Variants in GLYATL2 observed in about 807,000 individuals in gnomAD.
GLYATL2 encodes glycine-N-acyltransferase like 2, also known as glycine N-acyltransferase-like protein 2.
A neutral mutation model predicts 21.4 loss-of-function variants in GLYATL2; 25 were observed. The observed-to-expected ratio is 1.17, with a 90% CI of 0.85 to 1.63. GLYATL2 has a LOEUF of 1.63. Among genes scored for constraint, GLYATL2 ranks in the 40% most tolerant of loss-of-function variants. The pLI, the probability that GLYATL2 is intolerant of heterozygous loss-of-function variation, is 0.00. For synonymous variants in GLYATL2, 114 were observed against 118.2 expected (o/e 0.96, Z 0.23); for missense variants, 361 against 343.3 (o/e 1.05, Z -0.41).
chr11:58,881,354 C>G (rs1854330705), intron 1 of GLYATL2, among the ~76,000 whole-genome samples: 1 of 152,300 alleles, frequency 6.6e-6, no homozygotes, highest in Admixed American at 6.5e-5. Flanking sequence ...GTGATGATAA[C>G]CTTCTCCAAG....
At chr11:58,891,972 T>TGA (rs1854552253) in intron 1 of GLYATL2, among the ~76,000 whole-genome samples, 2 of 152,186 alleles carry the variant, frequency 1.3e-5, no homozygotes, top group Non-Finnish European at 2.9e-5. Flanking sequence ...GTCTTTGTTC[T>TGA]TTATCTAATA....
Position 58,898,482 on chromosome 11 carries a change from CTTT to C in GLYATL2, n.60+5671_60+5673del, listed in dbSNP as rs138211723. ...TGTTTTTAACTCACTATTGTTTCCTCTTTTTTTTTTTTTTATCTGCTCTTATCT... is the reference window on the plus strand; with the variant it reads ...TGTTTTTAACTCACTATTGTTTCCTCTTTTTTTTTTTATCTGCTCTTATCT... On this transcript the variant is annotated intron_variant and non_coding_transcript_variant, in intron 1 of 4. Coordinates refer to the GLYATL2 transcript ENST00000533636. 4.8e-3 allele frequency among the ~76,000 whole-genome samples: 699 copies of C among 146,544 alleles called. 3 individuals carry two copies. Among genetic ancestry groups the C allele is most frequent in the African/African-American group, 0.013 (532 of 39,890 alleles).
intron 1 of GLYATL2, among the ~76,000 whole-genome samples, chr11:58,875,530 A>G (rs1325825088): frequency 6.6e-6 from 1 of 152,082 alleles, no homozygotes; most frequent in Non-Finnish European, 1.5e-5. Context: ...AAAGTATTTT[A>G]TTTCTCCTTC....
chr11:58,840,107 G>GGA (rs34626559), intron 1 of GLYATL2, among the ~76,000 whole-genome samples: 2 of 150,678 alleles, frequency 1.3e-5, no homozygotes, highest in Non-Finnish European at 3.0e-5. Flanking sequence ...ATAATCTTCT[G>GGA]AAAAAAAAAT....
chr11:58,889,868 A>T (rs1565107458), intron 1 of GLYATL2, among the ~76,000 whole-genome samples: 1 of 152,158 alleles, frequency 6.6e-6, no homozygotes, highest in Non-Finnish European at 1.5e-5. Flanking sequence ...ACCAAAGTCT[A>T]GTATTAAAAT....
Position 58,869,005 on chromosome 11 carries a change from G to T in GLYATL2, n.61-30637C>A, listed in dbSNP as rs1388745799. Among the ~76,000 whole-genome samples the T allele has an allele frequency of 2.4e-4, 31 of 129,610 alleles. 2 individuals are homozygous for T. Among genetic ancestry groups the T allele is most frequent in the East Asian group, 2.3e-3 (6 of 2,632 alleles). 85.0% of individuals were successfully genotyped at this position (129,610 alleles called of 152,430 possible). A position where few individuals can be genotyped will look rare whatever the true frequency, so the allele number is the denominator to read the frequency against. On this transcript the variant is annotated intron_variant and non_coding_transcript_variant, in intron 1 of 4. Coordinates refer to the GLYATL2 transcript ENST00000533636. ...CGTCATTTTGTGTGTGTCCAGGCAA[G>T]TGAGTGTCTTTTGTGGGTACCAGAT...
intron 1 of GLYATL2, among the ~76,000 whole-genome samples, chr11:58,899,032 T>A (rs932015462): frequency 6.6e-6 from 1 of 152,148 alleles, no homozygotes; most frequent in South Asian, 2.1e-4. Flanking sequence ...CATTTTAGGA[T>A]GACCAAATTT....
intron 1 of GLYATL2, among the ~76,000 whole-genome samples, chr11:58,867,097 T>C (rs1444937654): frequency 6.7e-6 from 1 of 148,982 alleles, no homozygotes; most frequent in African/African-American, 2.4e-5. Context: ...GCGGTTCCCA[T>C]TCCCTGCCAT....
At chr11:58,864,246 G>A (rs967192189) in intron 1 of GLYATL2, among the ~76,000 whole-genome samples, 1 of 152,160 alleles carries the variant, frequency 6.6e-6, no homozygotes, top group African/African-American at 2.4e-5. Context: ...GGGCTGGTCT[G>A]AAACCTTGAG....
chr11:58,900,799 G>A (rs1025090005), intron 1 of GLYATL2, among the ~76,000 whole-genome samples: 2 of 151,918 alleles, frequency 1.3e-5, no homozygotes, highest in Non-Finnish European at 2.9e-5. Context: ...GGAAGCTTGG[G>A]GGGGTGGTCA....
intron 1 of GLYATL2, among the ~76,000 whole-genome samples, chr11:58,857,780 C>A (rs976546325): frequency 6.6e-6 from 1 of 151,736 alleles, no homozygotes; most frequent in Non-Finnish European, 1.5e-5. Flanking sequence ...ACTCCCCTTT[C>A]CAAATCTAGA....
chr11:58,889,747 C>G (rs977014733), intron 1 of GLYATL2, among the ~76,000 whole-genome samples: 1 of 152,036 alleles, frequency 6.6e-6, no homozygotes, highest in Non-Finnish European at 1.5e-5. Context: ...TGATATACTA[C>G]CGAATATTTT....
chr11:58,889,949 T>C (rs1342647797), intron 1 of GLYATL2, among the ~76,000 whole-genome samples: 1 of 152,206 alleles, frequency 6.6e-6, no homozygotes, highest in Non-Finnish European at 1.5e-5. Context: ...TTTTATTTTT[T>C]AATTTCAACT....
At chr11:58,873,182 G>T (rs547445729) in intron 1 of GLYATL2, among the ~76,000 whole-genome samples, 1 of 150,770 alleles carries the variant, frequency 6.6e-6, no homozygotes, top group African/African-American at 2.4e-5. Flanking sequence ...AAGGAGATTT[G>T]GGGCTGAGAC....
chr11:58,871,093 T>A (rs1456605113), intron 1 of GLYATL2, among the ~76,000 whole-genome samples: 1 of 152,128 alleles, frequency 6.6e-6, no homozygotes, highest in African/African-American at 2.4e-5. Context: ...TGAAGCAGGA[T>A]GGGTGGAGAG....
chr11:58,894,302 A>C (rs560492914), intron 1 of GLYATL2, among the ~76,000 whole-genome samples: 38 of 152,180 alleles, frequency 2.5e-4, no homozygotes, highest in Non-Finnish European at 5.3e-4. Context: ...GATGATGGAA[A>C]GGACACGTGC....
At chr11:58,853,221 C>A (rs1449894273) in intron 1 of GLYATL2, among the ~76,000 whole-genome samples, 1 of 152,100 alleles carries the variant, frequency 6.6e-6, no homozygotes, top group African/African-American at 2.4e-5. Context: ...TATTAAATAT[C>A]CTGACAAACA....
At chr11:58,870,480 T>A (rs1358296786) in intron 1 of GLYATL2, among the ~76,000 whole-genome samples, 1 of 152,216 alleles carries the variant, frequency 6.6e-6, no homozygotes, top group Non-Finnish European at 1.5e-5. Context: ...CACAAAAGAA[T>A]GACAAAATCT....
chr11:58,885,570 C>G (rs973545407), intron 1 of GLYATL2: 7 of 396,660 alleles, frequency 1.8e-5, no homozygotes, highest in Non-Finnish European at 3.5e-5. Context: ...ACTAGTGGAG[C>G]CAGGCAGGCC....
Sources: allele counts gnomAD v4.1 joint callset (sites outside exome capture counted in the v4.1 genomes callset), GRCh38; gene constraint gnomAD v4.1.1; transcripts MANE v1.5; gene names NCBI Gene and HGNC (gene_info 2026-07-23, HGNC 2026-07-21).